PLBD1: variants seen among roughly 807,000 people sequenced by gnomAD.
The protein encoded by PLBD1 is lysosomal leucine aminopeptidase.
In PLBD1, 60 loss-of-function variants were observed where a neutral mutation model predicts 63.0. That is an observed-to-expected ratio of 0.95 (90% CI 0.77 to 1.18). PLBD1 has a LOEUF of 1.18. Ranked by LOEUF, PLBD1 falls within the 50% of genes most tolerant of loss-of-function variation. The pLI is 0.00. For synonymous variants in PLBD1, 262 were observed against 248.0 expected (o/e 1.06, Z -0.53); for missense variants, 598 against 677.9 (o/e 0.88, Z 1.31).
rs890904401 is a variant in PLBD1, at chr12:14,542,378, T to C, written c.336-87A>G. On this transcript the variant is annotated intron_variant, in intron 2 of 10. Coordinates refer to ENST00000240617, the MANE Select transcript of PLBD1 (RefSeq NM_024829.6). ...TAAATTATTCAATCATTTGGCTAACTAGGATGTCCCTTATTACAAACTCTG... is the reference window on the plus strand; with the variant it reads ...TAAATTATTCAATCATTTGGCTAACCAGGATGTCCCTTATTACAAACTCTG... 4.0e-6 allele frequency: 4 copies of C among 1,005,000 alleles called. No homozygotes were observed. The South Asian group carries it at 5.6e-5, about 14-fold the overall frequency. 62.3% of individuals were successfully genotyped at this position (1,005,000 alleles called of 1,614,324 possible).
chr12:14,555,738 T>G (rs1945698288), intron 1 of PLBD1, among the ~76,000 whole-genome samples: 1 of 152,168 alleles, frequency 6.6e-6, no homozygotes, highest in African/African-American at 2.4e-5. Context: ...CTGCCTGATG[T>G]TTTCCCTCTG....
chr12:14,549,206 T>C (rs1945638190), intron 2 of PLBD1, among the ~76,000 whole-genome samples: 1 of 152,170 alleles, frequency 6.6e-6, no homozygotes, highest in South Asian at 2.1e-4. Context: ...AGCATGTAAT[T>C]AAGTAACGGC....
chr12:14,513,970 G>A (rs910553053), intron 6 of PLBD1, among the ~76,000 whole-genome samples: 4 of 151,874 alleles, frequency 2.6e-5, no homozygotes, highest in African/African-American at 7.3e-5. Flanking sequence ...TAGTAGAGAC[G>A]GGGTTTCGCC....
intron 5 of PLBD1, 135 bp downstream of exon 5, chr12:14,536,435 A>C: frequency 1.1e-6 from 1 of 926,476 alleles, no homozygotes; most frequent in Non-Finnish European, 1.6e-6. Context: ...TCCAGTTCTT[A>C]ACTTCTACCA....
At chr12:14,509,388 C>T (rs1217778117) in intron 8 of PLBD1, among the ~76,000 whole-genome samples, 1 of 152,140 alleles carries the variant, frequency 6.6e-6, no homozygotes, top group Non-Finnish European at 1.5e-5. Flanking sequence ...TCTCTTGAGG[C>T]ATGCTATTAT....
chr12:14,550,093 T>C (rs1348372302), intron 2 of PLBD1, among the ~76,000 whole-genome samples: 2 of 152,214 alleles, frequency 1.3e-5, no homozygotes, highest in African/African-American at 4.8e-5. Context: ...AGTAGTTCTC[T>C]TCTATCAAGC....
chr12:14,530,883 A>G (rs1038742001), intron 6 of PLBD1, among the ~76,000 whole-genome samples: 7 of 152,330 alleles, frequency 4.6e-5, no homozygotes, highest in African/African-American at 1.7e-4. Flanking sequence ...AGCTGTTACT[A>G]GGCAAACAGA....
chr12:14,530,226 CCT>C, intron 6 of PLBD1: 1 of 152,466 alleles, frequency 6.6e-6, no homozygotes, highest in East Asian at 1.9e-4. Context: ...CCAGCACCAC[CCT>C]GTCAGCTATG....
chr12:14,538,303 C>T (rs1447516217), intron 4 of PLBD1, among the ~76,000 whole-genome samples: 2 of 151,218 alleles, frequency 1.3e-5, no homozygotes, highest in Non-Finnish European at 2.9e-5. Flanking sequence ...AAGCAAATCT[C>T]CTGCCTTGGC....
At chr12:14,543,020 A>T (rs1251769532) in intron 2 of PLBD1, among the ~76,000 whole-genome samples, 1 of 152,232 alleles carries the variant, frequency 6.6e-6, no homozygotes, top group Non-Finnish European at 1.5e-5. Flanking sequence ...TAAAAAAATT[A>T]AAAATGTCTC....
intron 1 of PLBD1, among the ~76,000 whole-genome samples, chr12:14,560,368 G>A (rs1592011292): frequency 6.6e-6 from 1 of 152,100 alleles, no homozygotes; most frequent in Admixed American, 6.5e-5. Context: ...ATATTCAGAA[G>A]TCAGAGGGGA....
chr12:14,541,573 A>G (rs560894847), intron 3 of PLBD1, among the ~76,000 whole-genome samples: 26 of 152,174 alleles, frequency 1.7e-4, no homozygotes, highest in Non-Finnish European at 3.7e-4. Flanking sequence ...GAATAATGTC[A>G]TTGCTTCATG....
intron 2 of PLBD1, among the ~76,000 whole-genome samples, chr12:14,547,220 GTGTA>G (rs776585675): frequency 7.0e-6 from 1 of 142,272 alleles, no homozygotes; most frequent in Admixed American, 7.2e-5. Flanking sequence ...GTGTGTGTGT[GTGTA>G]GACTAGCTTT....
rs1353935296 is a variant in PLBD1 at position 14,536,571 on chromosome 12, T to C, written c.698A>G (p.Lys233Arg). 6 of 1,614,078 alleles carry C rather than the reference T, an allele frequency of 3.7e-6. No homozygotes were observed. Among genetic ancestry groups the C allele is most frequent in the Middle Eastern group, 1.6e-4 (1 of 6,062 alleles). The change falls in exon 5 of 11, where the codon AAG becomes AGG. Residue 233 changes from lysine to arginine, a missense_variant and splice_region_variant. By Grantham distance (26) the Lys-to-Arg change is conservative. Transcript: ENST00000240617. ...GCAAAAGGAGCTGCTATGTCTTACC[T>C]TGATAAGAGCGGAGCAATGTCCCAT... ...WDMGHCSALI[K>R]VLPGFENILF...
At chr12:14,504,357 T>A (rs1269355554) in intron 10 of PLBD1, among the ~76,000 whole-genome samples, 1 of 152,206 alleles carries the variant, frequency 6.6e-6, no homozygotes, top group Non-Finnish European at 1.5e-5. Flanking sequence ...GCCGCCTTCT[T>A]TAAAACAAAA....
rs951023498 is a variant in PLBD1, at chr12:14,536,536, C to T, written c.699+34G>A. ...GCTATATAGAAAAAGTCTGTATGAACCAGAACAAGGCAAAAGGAGCTGCTA... is the reference window on the plus strand; with the variant it reads ...GCTATATAGAAAAAGTCTGTATGAATCAGAACAAGGCAAAAGGAGCTGCTA... On this transcript the variant is annotated intron_variant, in intron 5 of 10. Transcript: ENST00000240617. 3 of 1,608,920 alleles carry T rather than the reference C, an allele frequency of 1.9e-6. No homozygotes were observed. The African/African-American group carries it at 4.0e-5, about 22-fold the overall frequency.
intron 3 of PLBD1, 85 bp from the exon 4 acceptor site, chr12:14,540,987 C>T (rs761607457): frequency 3.4e-4 from 453 of 1,334,814 alleles, no homozygotes; most frequent in Non-Finnish European, 3.1e-4. Context: ...AGATTATATA[C>T]TCAGACACTT....
chr12:14,534,531 CTCTTT>C (rs1285787828), intron 6 of PLBD1, among the ~76,000 whole-genome samples: 4 of 143,150 alleles, frequency 2.8e-5, no homozygotes, highest in African/African-American at 5.1e-5. Context: ...TTTCCACTTT[CTCTTT>C]TCTTTTCTTT....
At chr12:14,507,856 T>C (rs1945267711) in intron 8 of PLBD1, among the ~76,000 whole-genome samples, 1 of 152,172 alleles carries the variant, frequency 6.6e-6, no homozygotes, top group Admixed American at 6.5e-5. Flanking sequence ...GACACAGCTC[T>C]CTCTTGTAAA....
Sources: allele counts gnomAD v4.1 joint callset (sites outside exome capture counted in the v4.1 genomes callset), GRCh38; gene constraint gnomAD v4.1.1; transcripts MANE v1.5; gene names NCBI Gene and HGNC (gene_info 2026-07-23, HGNC 2026-07-21).